Variants in CALCOCO2 observed in about 807,000 individuals in gnomAD.
CALCOCO2 encodes the protein calcium binding and coiled-coil domain 2.
Under a neutral mutation model 62.5 loss-of-function variants are expected in CALCOCO2, and 42 were observed. The observed-to-expected ratio is 0.67, with a 90% confidence interval of 0.53 to 0.87. The LOEUF is 0.87. Among genes scored for constraint, CALCOCO2 ranks in the 40% least tolerant of loss-of-function variants. The probability of loss-of-function intolerance (pLI) is 0.00; values close to 1 mark genes in which losing one functional copy is unlikely to be tolerated. For missense variants in CALCOCO2, 456 were observed against 515.0 expected, an observed-to-expected ratio of 0.89 and a Z score of 1.11; for synonymous variants, 167 against 173.0, an observed-to-expected ratio of 0.97 and a Z score of 0.27.
At chr17:48,849,120 G>A (rs2040091964) in intron 4 of CALCOCO2, 132 bp from the exon 5 acceptor site, 2 of 786,304 alleles carry the variant, frequency 2.5e-6, no homozygotes, top group Non-Finnish European at 2.1e-6. Context: ...AGGTATTAAG[G>A]AGCAGCCCCC....
chr17:48,842,159 T>TC (rs1003750927), intron 2 of CALCOCO2: 16 of 47,896 alleles, frequency 3.3e-4, no homozygotes, highest in Non-Finnish European at 5.6e-4. Context: ...CTTTTCTTTT[T>TC]TTTTTTTTTT....
intron 2 of CALCOCO2, chr17:48,847,802 C>T (rs2040072738): frequency 3.5e-6 from 1 of 283,736 alleles, no homozygotes; most frequent in Non-Finnish European, 6.7e-6. Context: ...ATTACAGGCG[C>T]ACACCACCGT....
At chr17:48,859,361 G>A (rs953816526) in intron 10 of CALCOCO2, among the ~76,000 whole-genome samples, 2 of 152,108 alleles carry the variant, frequency 1.3e-5, no homozygotes, top group Admixed American at 6.6e-5. Context: ...AACACTGGGA[G>A]GCCAAGGCAG....
At chr17:48,834,916 G>A (rs1474215004) in intron 1 of CALCOCO2, among the ~76,000 whole-genome samples, 6 of 152,020 alleles carry the variant, frequency 3.9e-5, no homozygotes, top group Non-Finnish European at 5.9e-5. Context: ...GCATGGTGGC[G>A]CATACCTATA....
intron 1 of CALCOCO2, among the ~76,000 whole-genome samples, chr17:48,835,345 A>C (rs1318529183): frequency 6.6e-6 from 1 of 152,164 alleles, no homozygotes; most frequent in Non-Finnish European, 1.5e-5. Context: ...GAGAGAAGAG[A>C]AGCCACTGCT....
chr17:48,852,007 G>A (rs2040139140), intron 7 of CALCOCO2, among the ~76,000 whole-genome samples: 1 of 151,920 alleles, frequency 6.6e-6, no homozygotes, highest in Admixed American at 6.6e-5. Context: ...TAATTTACAG[G>A]CGCACGTGTA....
Position 48,864,142 on chromosome 17 carries a change from C to T in CALCOCO2, c.*1137C>T, listed in dbSNP as rs1567763212. On this transcript the variant is annotated 3_prime_UTR_variant, in exon 13 of 13. Transcript: ENST00000258947. The stretch of plus-strand genomic sequence containing the variant: ...GTGCAATGGCGCAGTTGACTCACTA[C>T]AGCCTCTGCCTCCCAGGTTCAAGCG... The T allele has an allele frequency of 6.8e-6, 1 of 146,832 alleles. No individual in the cohort carries two copies. Among genetic ancestry groups the T allele is most frequent in the Non-Finnish European group, 1.5e-5 (1 of 67,140 alleles). The allele number at this position is 146,832 out of a possible 1,614,324, so 9.1% of individuals were successfully genotyped here. A position where few individuals can be genotyped will look rare whatever the true frequency, so the allele number is the denominator to read the frequency against.
At chr17:48,843,653 A>G (rs149311273) in intron 2 of CALCOCO2, among the ~76,000 whole-genome samples, 154 of 152,352 alleles carry the variant, frequency 1.0e-3, no homozygotes, top group Middle Eastern at 3.4e-3. Context: ...AAGGTGTTGA[A>G]TCATCAGACT....
chr17:48,849,763 C>T (rs1348856171), intron 5 of CALCOCO2, among the ~76,000 whole-genome samples: 1 of 152,016 alleles, frequency 6.6e-6, no homozygotes, highest in African/African-American at 2.4e-5. Context: ...CTGAGCTTCC[C>T]AAAGTGCTGG....
At position 48,860,509 on chromosome 17, in the gene CALCOCO2, A is replaced by T. The variant is rs1269152224; in HGVS notation, c.1144+60A>T. On this transcript the variant is annotated intron_variant, in intron 11 of 12. Coordinates refer to ENST00000258947, the MANE Select transcript of CALCOCO2 (RefSeq NM_005831.5). ...CTGCCTGCATCCCTTTCCCCTACTA[A>T]ATTTTTGTTTCTGAGGTGCTAATTA... 5 of 1,552,820 alleles carry T rather than the reference A, an allele frequency of 3.2e-6. No homozygotes were observed. The East Asian group carries it at 1.1e-4, about 35-fold the overall frequency.
At chr17:48,841,506 C>T (rs1476226581) in intron 1 of CALCOCO2, 192 bp from the exon 2 acceptor site, 4 of 458,618 alleles carry the variant, frequency 8.7e-6, no homozygotes, top group African/African-American at 4.0e-5. Context: ...AGAAAATTCT[C>T]GTAGCATAGG....
intron 7 of CALCOCO2, 168 bp downstream of exon 7, chr17:48,851,796 A>T: frequency 1.7e-6 from 1 of 580,516 alleles, no homozygotes; most frequent in Non-Finnish European, 3.1e-6. Flanking sequence ...GGACCAGGTA[A>T]GCCTCCACCC....
intron 6 of CALCOCO2, 149 bp from the exon 7 acceptor site, chr17:48,851,410 A>C (rs1326925440): frequency 3.1e-6 from 2 of 635,608 alleles, no homozygotes; most frequent in Non-Finnish European, 2.8e-6. Flanking sequence ...TTTTGGAGTC[A>C]GGAAGCCAAA....
At chr17:48,861,823 G>A (rs573959268) in intron 11 of CALCOCO2, among the ~76,000 whole-genome samples, 4 of 151,460 alleles carry the variant, frequency 2.6e-5, no homozygotes, top group South Asian at 2.1e-4. Flanking sequence ...CGAGGCAGGC[G>A]GATCACTTGA....
chr17:48,841,446 G>A, intron 1 of CALCOCO2: 1 of 341,040 alleles, frequency 2.9e-6, no homozygotes, highest in South Asian at 5.9e-5. Flanking sequence ...ATAAGCCTCT[G>A]TTCATGTGAG....
intron 1 of CALCOCO2, among the ~76,000 whole-genome samples, chr17:48,835,221 T>C (rs1455109243): frequency 6.6e-6 from 1 of 152,148 alleles, no homozygotes; most frequent in Non-Finnish European, 1.5e-5. Flanking sequence ...GAAAACTCAG[T>C]AGATGCCCTC....
intron 11 of CALCOCO2, among the ~76,000 whole-genome samples, chr17:48,861,504 C>A (rs961552987): frequency 2.6e-5 from 4 of 151,874 alleles, no homozygotes; most frequent in African/African-American, 9.7e-5. Flanking sequence ...AGCCATCGTA[C>A]CTGACTGTGG....
At chr17:48,850,962 A>G (rs958213931) in intron 5 of CALCOCO2, 127 bp from the exon 6 acceptor site, 1 of 606,266 alleles carries the variant, frequency 1.6e-6, no homozygotes. Context: ...TGAGTATTTC[A>G]TTTACTGCTG....
chr17:48,852,684 T>C (rs1378807754), intron 8 of CALCOCO2, 56 bp downstream of exon 8: 3 of 1,533,324 alleles, frequency 2.0e-6, no homozygotes, highest in Non-Finnish European at 2.7e-6. Flanking sequence ...ATATACGTTG[T>C]TCTTTGTATA....
Sources: gnomAD v4.1 joint callset for allele counts (sites outside exome capture counted in the v4.1 genomes callset) on GRCh38, gnomAD v4.1.1 for gene constraint, MANE v1.5 for transcripts, NCBI Gene and HGNC (gene_info 2026-07-23, HGNC 2026-07-21) for gene names.